SLC2A12: variants seen among roughly 807,000 people sequenced by gnomAD.
The protein encoded by SLC2A12 is solute carrier family 2 member 12.
SLC2A12 carries 23 observed loss-of-function variants against 41.8 expected under a neutral mutation model. The observed-to-expected ratio is 0.55, with a 90% CI of 0.40 to 0.78. SLC2A12 has a LOEUF of 0.78. Ranked by LOEUF, SLC2A12 falls within the 30% of genes least tolerant of loss-of-function variation. The pLI is 0.00. For synonymous variants in SLC2A12, 295 were observed against 285.9 expected (o/e 1.03, Z -0.32); for missense variants, 654 against 745.6 (o/e 0.88, Z 1.43).
chr6:134,015,784 C>T (rs1209186143), intron 2 of SLC2A12, among the ~76,000 whole-genome samples: 1 of 152,196 alleles, frequency 6.6e-6, no homozygotes, highest in Non-Finnish European at 1.5e-5. Flanking sequence ...ACCTGCTGCT[C>T]CACATCCTTG....
chr6:134,045,456 CAG>C (rs1777444834), intron 1 of SLC2A12, among the ~76,000 whole-genome samples: 3 of 152,190 alleles, frequency 2.0e-5, no homozygotes, highest in Admixed American at 1.3e-4. Context: ...AGGTGAAGAA[CAG>C]TGTGGAATCA....
At chr6:133,996,505 T>G (rs1361715491) in intron 4 of SLC2A12, among the ~76,000 whole-genome samples, 1 of 152,218 alleles carries the variant, frequency 6.6e-6, no homozygotes. Context: ...TTTTTTCAGC[T>G]TTTTAGAAAT....
At chr6:134,038,396 C>A in intron 1 of SLC2A12, among the ~76,000 whole-genome samples, 1 of 111,642 alleles carries the variant, frequency 9.0e-6, no homozygotes. Flanking sequence ...GAGTCTCTCT[C>A]TGGTGCCCAG....
At chr6:134,047,865 C>T (rs1003990859) in intron 1 of SLC2A12, among the ~76,000 whole-genome samples, 3 of 152,250 alleles carry the variant, frequency 2.0e-5, no homozygotes, top group African/African-American at 7.2e-5. Flanking sequence ...TCTTGGCCGG[C>T]TGCTCTCAGG....
intron 1 of SLC2A12, among the ~76,000 whole-genome samples, chr6:134,044,967 C>A (rs1329727722): frequency 1.3e-5 from 2 of 152,090 alleles, no homozygotes. Flanking sequence ...CTGGCAGCAT[C>A]GTGTTGAGAT....
In SLC2A12 at chr6:134,034,744, G is replaced by A. The variant is rs574009564; in HGVS notation, c.104-5023C>T. 2.6e-5 allele frequency among the ~76,000 whole-genome samples: 4 copies of A among 152,340 alleles called. No homozygotes were observed. In the East Asian group the frequency reaches 5.8e-4, roughly 22 times the overall value. On this transcript the variant is annotated intron_variant, in intron 1 of 4. Coordinates refer to ENST00000275230, the MANE Select transcript of SLC2A12 (RefSeq NM_145176.3). ...CAGAGGTGAGAGTTTGGGCAGCCAC[G>A]TGGACTGAGGAGAAGTTGTCAGTGG...
At chr6:134,047,922 C>T (rs1000481088) in intron 1 of SLC2A12, among the ~76,000 whole-genome samples, 6 of 152,234 alleles carry the variant, frequency 3.9e-5, no homozygotes, top group African/African-American at 1.4e-4. Flanking sequence ...AGGCTTCCTG[C>T]AGCGTGTGTC....
At chr6:134,034,249 C>T (rs750092315) in intron 1 of SLC2A12, among the ~76,000 whole-genome samples, 6 of 152,286 alleles carry the variant, frequency 3.9e-5, no homozygotes, top group East Asian at 1.9e-4. Context: ...CCCACATGGA[C>T]GGCTTACCAA....
chr6:134,040,769 C>T lies in SLC2A12; in HGVS notation c.104-11048G>A, dbSNP rs1777372052. ...GAAGACTTACTTAATATCTCATTGA[C>T]CAGAGCCAGTGGGTGACTGGTCAAA... is the stretch of plus-strand genomic sequence containing the variant. On this transcript the variant is annotated intron_variant, in intron 1 of 4. Transcript: ENST00000275230. Among the ~76,000 whole-genome samples, 4 of 152,184 alleles carry T rather than the reference C, an allele frequency of 2.6e-5. No homozygotes were observed. The South Asian group carries it at 8.3e-4, about 31-fold the overall frequency.
intron 2 of SLC2A12, among the ~76,000 whole-genome samples, chr6:134,007,820 A>T (rs1026941): frequency 0.43 from 64,674 of 151,918 alleles, 13,906 homozygotes; most frequent in African/African-American, 0.49. Flanking sequence ...ACTATTACGA[A>T]ACCTCTTTTA....
At chr6:134,005,879 CAGAG>C (rs966745113) in intron 3 of SLC2A12, among the ~76,000 whole-genome samples, 1 of 151,682 alleles carries the variant, frequency 6.6e-6, no homozygotes, top group African/African-American at 2.4e-5. Flanking sequence ...ACATAAAAGA[CAGAG>C]AGGAGGGCTA....
chr6:134,043,526 G>A (rs189392860), intron 1 of SLC2A12, among the ~76,000 whole-genome samples: 35 of 152,170 alleles, frequency 2.3e-4, no homozygotes, highest in Non-Finnish European at 3.8e-4. Flanking sequence ...CAGGTGCAGT[G>A]GCTCACACGT....
intron 2 of SLC2A12, among the ~76,000 whole-genome samples, chr6:134,024,154 G>C (rs936276559): frequency 3.3e-5 from 5 of 152,210 alleles, no homozygotes; most frequent in African/African-American, 1.2e-4. Flanking sequence ...ACTAGACTGG[G>C]CTCTGGGAGA....
chr6:134,028,443 T>A lies in SLC2A12; in HGVS notation c.1382A>T (p.Lys461Ile). 6.2e-7 allele frequency: 1 copy of A among 1,614,126 alleles called. No homozygotes were observed. Among genetic ancestry groups the A allele is most frequent in the Non-Finnish European group, 8.5e-7 (1 of 1,179,988 alleles). ...TDPGDVPAFL[K>I]WLSLASLLVY... ...AAGCAAGCTGGCTAAGGACAGCCAT[T>A]TCAAAAAAGCTGGGACGTCCCCAGG... Residue 461 changes from lysine (K) to isoleucine (I), a missense_variant, in exon 2 of 5, where the codon AAA becomes ATA. Physicochemically the swap from Lys to Ile is moderately radical, Grantham distance 102. Coordinates refer to ENST00000275230, the MANE Select transcript of SLC2A12 (RefSeq NM_145176.3).
In SLC2A12 at chr6:133,990,098, G is replaced by C. The variant is rs185730811; in HGVS notation, c.*1057C>G. The C allele has an allele frequency of 6.0e-4, 92 of 152,742 alleles. 1 individual carries two copies. The highest frequency in any genetic ancestry group is 5.4e-3 in the Admixed American group (83 of 15,294). 9.5% of individuals were successfully genotyped at this position (152,742 alleles called of 1,614,324 possible). On this transcript the variant is annotated 3_prime_UTR_variant, in exon 5 of 5. Transcript: ENST00000275230. ...TGTGTGGGTGAAACCCACGTTGCTGGTACAGGTGGCCATCATAGAAAAGAA... is the reference window on the plus strand; with the variant it reads ...TGTGTGGGTGAAACCCACGTTGCTGCTACAGGTGGCCATCATAGAAAAGAA...
chr6:134,021,005 C>T (rs1230235278), intron 2 of SLC2A12, among the ~76,000 whole-genome samples: 1 of 152,184 alleles, frequency 6.6e-6, no homozygotes, highest in African/African-American at 2.4e-5. Context: ...TATGCCTTAA[C>T]AAAGAAATGC....
intron 2 of SLC2A12, among the ~76,000 whole-genome samples, chr6:134,012,746 T>A (rs1776904196): frequency 6.6e-6 from 1 of 152,136 alleles, no homozygotes; most frequent in Non-Finnish European, 1.5e-5. Flanking sequence ...GGAAGGAGGA[T>A]CCCTTGAGGC....
chr6:134,007,823 C>T (rs1447632797), intron 2 of SLC2A12, among the ~76,000 whole-genome samples: 3 of 152,196 alleles, frequency 2.0e-5, no homozygotes, highest in Non-Finnish European at 4.4e-5. Context: ...ATTACGAAAC[C>T]TCTTTTATCA....
chr6:134,040,806 G>C (rs1462556748), intron 1 of SLC2A12, among the ~76,000 whole-genome samples: 1 of 152,222 alleles, frequency 6.6e-6, no homozygotes, highest in East Asian at 1.9e-4. Context: ...TTGGCTGTGA[G>C]AGAGATTGAC....
Sources: gnomAD v4.1 joint callset for allele counts (sites outside exome capture counted in the v4.1 genomes callset) on GRCh38, gnomAD v4.1.1 for gene constraint, MANE v1.5 for transcripts, NCBI Gene and HGNC (gene_info 2026-07-23, HGNC 2026-07-21) for gene names.